The following NETO2 variants were observed in gnomAD, a reference collection of about 807,000 sequenced individuals.
NETO2 encodes neuropilin and tolloid-like protein 2.
A neutral mutation model predicts 62.5 loss-of-function variants in NETO2; 28 were observed. The observed-to-expected ratio is 0.45, with a 90% CI of 0.33 to 0.61. The LOEUF (loss-of-function observed/expected upper bound fraction) is 0.61, where lower values mean the gene tolerates loss of function less well. NETO2 is among the 20% of genes least tolerant of loss of function. The pLI is 0.02. For synonymous variants in NETO2, 214 were observed against 219.1 expected (o/e 0.98, Z 0.21); for missense variants, 548 against 643.2 (o/e 0.85, Z 1.60).
At chr16:47,092,740 A>G (rs918838635) in intron 7 of NETO2, among the ~76,000 whole-genome samples, 1 of 152,256 alleles carries the variant, frequency 6.6e-6, no homozygotes, top group Non-Finnish European at 1.5e-5. Context: ...AAACATGCTC[A>G]GGTTCTCTCC....
chr16:47,088,792 G>T (rs1963251630), intron 7 of NETO2, among the ~76,000 whole-genome samples: 1 of 152,102 alleles, frequency 6.6e-6, no homozygotes, highest in Admixed American at 6.5e-5. Context: ...TACATTATCA[G>T]TAATAAAACT....
intron 1 of NETO2, among the ~76,000 whole-genome samples, chr16:47,134,939 C>T (rs1964338195): frequency 6.6e-6 from 1 of 152,138 alleles, no homozygotes; most frequent in African/African-American, 2.4e-5. Context: ...TAGAGGGCTG[C>T]ACAGTTTTCT....
chr16:47,142,054 C>T (rs898326217), intron 1 of NETO2, among the ~76,000 whole-genome samples: 1 of 152,166 alleles, frequency 6.6e-6, no homozygotes, highest in African/African-American at 2.4e-5. Context: ...ATGCTGACAA[C>T]CTTACCGTAG....
chr16:47,107,232 G>A (rs1963695294), intron 7 of NETO2, among the ~76,000 whole-genome samples: 1 of 152,206 alleles, frequency 6.6e-6, no homozygotes, highest in Non-Finnish European at 1.5e-5. Flanking sequence ...GGCAGAGAAT[G>A]AAGGAGGCAA....
intron 6 of NETO2, among the ~76,000 whole-genome samples, chr16:47,115,550 C>T (rs1262450418): frequency 6.7e-6 from 1 of 149,408 alleles, no homozygotes; most frequent in Non-Finnish European, 1.5e-5. Context: ...TTTCTTGAGA[C>T]AGGGTCTCAG....
intron 7 of NETO2, among the ~76,000 whole-genome samples, chr16:47,103,282 C>T (rs569918065): frequency 4.7e-4 from 72 of 152,106 alleles, no homozygotes; most frequent in Non-Finnish European, 9.0e-4. Context: ...CGTCACACAC[C>T]GGGGCCTGTT....
At chr16:47,125,043 T>C (rs1262124035) in intron 4 of NETO2, among the ~76,000 whole-genome samples, 1 of 152,238 alleles carries the variant, frequency 6.6e-6, no homozygotes, top group Non-Finnish European at 1.5e-5. Context: ...TGGCTGACTT[T>C]GTCTTTAAAT....
intron 1 of NETO2, among the ~76,000 whole-genome samples, chr16:47,136,029 T>C (rs1964356430): frequency 6.6e-6 from 1 of 152,184 alleles, no homozygotes. Flanking sequence ...TAATGAGTCT[T>C]TCCAATAGGC....
At position 47,132,064 on chromosome 16, in the gene NETO2, T is replaced by C. The variant is rs771038241; in HGVS notation, c.35-39A>G. ...AGAGAAGAAAAGTTATGAAATTGAATCTATACTACATTTTACTAAGTCAAT... is the reference window on the plus strand; with the variant it reads ...AGAGAAGAAAAGTTATGAAATTGAACCTATACTACATTTTACTAAGTCAAT... On this transcript the variant is annotated intron_variant, in intron 1 of 8. Transcript: ENST00000562435. The C allele has an allele frequency of 2.8e-6, 4 of 1,450,948 alleles. No homozygotes were observed. The East Asian group carries it at 6.8e-5, about 25-fold the overall frequency. 89.9% of individuals were successfully genotyped at this position (1,450,948 alleles called of 1,614,324 possible).
intron 1 of NETO2, among the ~76,000 whole-genome samples, chr16:47,135,468 T>C (rs565069937): frequency 3.9e-5 from 6 of 152,346 alleles, no homozygotes; most frequent in African/African-American, 1.4e-4. Context: ...TACAGAGAAC[T>C]GCTTGTGATT....
At chr16:47,138,673 T>C (rs967795088) in intron 1 of NETO2, among the ~76,000 whole-genome samples, 3 of 152,234 alleles carry the variant, frequency 2.0e-5, no homozygotes, top group Non-Finnish European at 2.9e-5. Flanking sequence ...ACAGTCCCTA[T>C]AGTGTATTAT....
At chr16:47,125,177 T>G (rs1040168706) in intron 4 of NETO2, among the ~76,000 whole-genome samples, 2 of 152,222 alleles carry the variant, frequency 1.3e-5, no homozygotes, top group Non-Finnish European at 1.5e-5. Context: ...TTCAATTACT[T>G]CAGTTAGTTG....
chr16:47,087,669 A>G (rs1168953935), intron 7 of NETO2, among the ~76,000 whole-genome samples: 3 of 152,198 alleles, frequency 2.0e-5, no homozygotes, highest in African/African-American at 4.8e-5. Flanking sequence ...TTTTAAGGAC[A>G]CTAAAGGTAT....
chr16:47,142,067 A>AG lies in NETO2; in HGVS notation c.34+1511dup, dbSNP rs1964471260. Among the ~76,000 whole-genome samples the AG allele has an allele frequency of 5.3e-5, 8 of 152,306 alleles. No individual in the cohort carries two copies. In the South Asian group the frequency reaches 1.7e-3, roughly 32 times the overall value. ...GCATGCTGACAACCTTACCGTAGTG[A>AG]GGGCGCAATCCGACAACGGCAGAAA... On this transcript the variant is annotated intron_variant, in intron 1 of 8. Transcript: ENST00000562435.
chr16:47,122,223 C>G (rs1052401226), intron 6 of NETO2, among the ~76,000 whole-genome samples: 1 of 152,182 alleles, frequency 6.6e-6, no homozygotes, highest in Non-Finnish European at 1.5e-5. Flanking sequence ...AGGGTAAGAA[C>G]AGACTCGACA....
intron 7 of NETO2, among the ~76,000 whole-genome samples, chr16:47,087,943 C>A (rs772523781): frequency 1.7e-4 from 26 of 152,120 alleles, no homozygotes; most frequent in Non-Finnish European, 3.4e-4. Context: ...AGTGTGCTTA[C>A]TTCTGTTAGG....
Position 47,120,901 on chromosome 16 carries a change from T to C in NETO2, c.654+1756A>G, listed in dbSNP as rs532447762. Among the ~76,000 whole-genome samples the C allele has an allele frequency of 1.2e-4, 18 of 152,258 alleles. No individual in the cohort carries two copies. The South Asian group carries it at 2.5e-3, about 21-fold the overall frequency. Reference sequence around the variant, plus strand: ...TCATTAGTTCTTGAAATTTTTTTTTTCTTTTTTTTCCTTTTCATGTCAGAT... The same window carrying C: ...TCATTAGTTCTTGAAATTTTTTTTTCCTTTTTTTTCCTTTTCATGTCAGAT... On this transcript the variant is annotated intron_variant, in intron 6 of 8. Transcript: ENST00000562435.
chr16:47,107,696 AG>A (rs1963703863), intron 7 of NETO2, among the ~76,000 whole-genome samples: 1 of 152,208 alleles, frequency 6.6e-6, no homozygotes, highest in Admixed American at 6.5e-5. Context: ...GTATGTTGAG[AG>A]GACAGAGGAG....
intron 1 of NETO2, among the ~76,000 whole-genome samples, chr16:47,133,929 C>T (rs1339629710): frequency 2.0e-5 from 3 of 152,132 alleles, no homozygotes; most frequent in African/African-American, 4.8e-5. Context: ...GGGGTCTATA[C>T]TTTTAATGAG....
Sources: gnomAD v4.1 joint callset for allele counts (sites outside exome capture counted in the v4.1 genomes callset) on GRCh38, gnomAD v4.1.1 for gene constraint, MANE v1.5 for transcripts, NCBI Gene and HGNC (gene_info 2026-07-23, HGNC 2026-07-21) for gene names.